The following CEP55 variants were observed in gnomAD, a reference collection of about 807,000 sequenced individuals.
The protein encoded by CEP55 is centrosomal protein of 55 kDa.
CEP55 carries 57 observed loss-of-function variants against 63.2 expected under a neutral mutation model. The observed-to-expected ratio is 0.90, with a 90% confidence interval of 0.73 to 1.13. The LOEUF is 1.13. Ranked by LOEUF, CEP55 falls within the 50% of genes most tolerant of loss-of-function variation. The probability of loss-of-function intolerance (pLI) is 0.00; values close to 1 mark genes in which losing one functional copy is unlikely to be tolerated. For synonymous variants in CEP55, 178 were observed against 191.6 expected (o/e 0.93, Z 0.59); for missense variants, 456 against 518.9 (o/e 0.88, Z 1.18).
rs1437225554 is a variant in CEP55, at chr10:93,500,143, A to G, written c.92A>G (p.Lys31Arg). 6.8e-6 allele frequency: 11 copies of G among 1,613,886 alleles called. No individual in the cohort carries two copies. The highest frequency in any genetic ancestry group is 9.3e-6 in the Non-Finnish European group (11 of 1,179,816). ...TCCGAAACTACATTAGAAAAATTAA[A>G]GGGAGAAATTGCACACTTAAAGACA... ...SKSETTLEKL[K>R]GEIAHLKTSV... The change falls in exon 2 of 9, where the codon AAG (lysine) becomes AGG (arginine). Residue 31 changes from lysine (K) to arginine (R), a missense_variant. By Grantham distance (26) the Lys-to-Arg change is conservative. Transcript: ENST00000371485.
chr10:93,526,850 G>T (rs1234158294), intron 8 of CEP55, among the ~76,000 whole-genome samples: 4 of 152,018 alleles, frequency 2.6e-5, no homozygotes, highest in African/African-American at 9.7e-5. Context: ...ATCAAACACC[G>T]CATGTTCTCA....
intron 1 of CEP55, among the ~76,000 whole-genome samples, chr10:93,497,899 A>C (rs1172749679): frequency 6.6e-6 from 1 of 151,918 alleles, no homozygotes; most frequent in African/African-American, 2.4e-5. Context: ...CGGGCAGATC[A>C]CTTGAGGTCA....
intron 6 of CEP55, 86 bp from the exon 7 acceptor site, chr10:93,518,791 G>A (rs2057828206): frequency 1.2e-6 from 1 of 858,544 alleles, no homozygotes; most frequent in African/African-American, 1.7e-5. Context: ...AGAGATGTGA[G>A]ACTTGTGATG....
At chr10:93,517,392 A>G (rs2057816087) in intron 6 of CEP55, 144 bp downstream of exon 6, 2 of 581,310 alleles carry the variant, frequency 3.4e-6, no homozygotes, top group East Asian at 3.0e-5. Flanking sequence ...GAAACAGACC[A>G]TAAACAATAA....
At chr10:93,513,994 G>A (rs1484705079) in intron 4 of CEP55, among the ~76,000 whole-genome samples, 1 of 150,534 alleles carries the variant, frequency 6.6e-6, no homozygotes, top group Non-Finnish European at 1.5e-5. Context: ...GTCTAGGTTG[G>A]AGTGCAGTGG....
chr10:93,499,179 C>A (rs1174624884), intron 1 of CEP55, among the ~76,000 whole-genome samples: 1 of 152,072 alleles, frequency 6.6e-6, no homozygotes, highest in East Asian at 1.9e-4. Context: ...AATGTTATAC[C>A]TCTTTTCCAG....
At chr10:93,498,094 C>T (rs1957951394) in intron 1 of CEP55, among the ~76,000 whole-genome samples, 1 of 151,816 alleles carries the variant, frequency 6.6e-6, no homozygotes, top group Non-Finnish European at 1.5e-5. Flanking sequence ...TGCACTCCAG[C>T]CTGGGCGACA....
At chr10:93,523,845 T>G (rs1031623138) in intron 8 of CEP55, among the ~76,000 whole-genome samples, 21 of 152,170 alleles carry the variant, frequency 1.4e-4, no homozygotes, top group African/African-American at 4.6e-4. Flanking sequence ...GACTACTGGG[T>G]ACATAACAAA....
At chr10:93,499,518 CTT>C (rs528933732) in intron 1 of CEP55, among the ~76,000 whole-genome samples, 23,395 of 119,356 alleles carry the variant, frequency 0.2, 1,275 homozygotes, top group South Asian at 0.24. Context: ...TACAAGTTGA[CTT>C]TTTTTTTTTT....
intron 8 of CEP55, among the ~76,000 whole-genome samples, chr10:93,525,952 A>T (rs2057917293): frequency 1.3e-5 from 2 of 152,238 alleles, no homozygotes; most frequent in South Asian, 4.1e-4. Context: ...TGGATTAAAG[A>T]TTTACATGTT....
chr10:93,518,906 G>A lies in CEP55; in HGVS notation c.1023G>A (p.Lys341=). 1 of 1,612,550 alleles carries A rather than the reference G, an allele frequency of 6.2e-7. No homozygotes were observed. The highest frequency in any genetic ancestry group is 8.5e-7 in the Non-Finnish European group (1 of 1,178,678). ...QVQFLYTSLL[K]QQEEQTRVAL... ...AGTTTCTTTACACATCTCTGCTAAA[G>A]CAGCAAGAAGAACAAACAAGGGTAG... Residue 341 remains lysine, a synonymous_variant, in exon 7 of 9, where the codon AAG becomes AAA. Coordinates refer to ENST00000371485, the MANE Select transcript of CEP55 (RefSeq NM_018131.5).
chr10:93,511,003 G>A (rs150167654), intron 4 of CEP55, among the ~76,000 whole-genome samples: 115 of 149,738 alleles, frequency 7.7e-4, no homozygotes, highest in African/African-American at 2.6e-3. Flanking sequence ...CAGTGGCACG[G>A]TCTCAGCTCA....
intron 8 of CEP55, among the ~76,000 whole-genome samples, chr10:93,525,298 A>G (rs2057910213): frequency 6.6e-6 from 1 of 152,206 alleles, no homozygotes; most frequent in South Asian, 2.1e-4. Flanking sequence ...CACCAATAAC[A>G]GACAGAGAGC....
chr10:93,528,157 A>C lies in CEP55; in HGVS notation c.*4A>C. 1 of 1,609,742 alleles carries C rather than the reference A, an allele frequency of 6.2e-7. No homozygotes were observed. Among genetic ancestry groups the C allele is most frequent in the Non-Finnish European group, 8.5e-7 (1 of 1,176,534 alleles). On this transcript the variant is annotated 3_prime_UTR_variant, in exon 9 of 9. Coordinates refer to ENST00000371485, the MANE Select transcript of CEP55 (RefSeq NM_018131.5). Reference sequence around the variant, plus strand: ...TGTGGAATACTGTTCAAAGTAGCAAAATAAGTATTTGTTTTGATATTAAAA... The same window carrying C: ...TGTGGAATACTGTTCAAAGTAGCAACATAAGTATTTGTTTTGATATTAAAA...
chr10:93,528,673 C>T lies in CEP55; in HGVS notation c.*520C>T, dbSNP rs1013667592. The T allele has an allele frequency of 6.5e-6, 1 of 153,228 alleles. No individual in the cohort carries two copies. Among genetic ancestry groups the T allele is most frequent in the South Asian group, 2.0e-4 (1 of 4,908 alleles). 9.5% of individuals were successfully genotyped at this position (153,228 alleles called of 1,614,324 possible). On this transcript the variant is annotated 3_prime_UTR_variant, in exon 9 of 9. Coordinates refer to ENST00000371485, the MANE Select transcript of CEP55 (RefSeq NM_018131.5). ...GGTTATTAGAAAAGTTGGGGATTTT[C>T]TTGATCTTTATTGCTGCTTACCATT... is the stretch of plus-strand genomic sequence containing the variant.
intron 2 of CEP55, among the ~76,000 whole-genome samples, chr10:93,501,848 T>A (rs1373576537): frequency 6.6e-6 from 1 of 152,188 alleles, no homozygotes; most frequent in Non-Finnish European, 1.5e-5. Flanking sequence ...ATATGAAGGT[T>A]ATTTTGCAAT....
At chr10:93,506,284 A>C (rs1355277568) in intron 3 of CEP55, among the ~76,000 whole-genome samples, 1 of 152,122 alleles carries the variant, frequency 6.6e-6, no homozygotes, top group Non-Finnish European at 1.5e-5. Flanking sequence ...TCTAGAAAAA[A>C]AATTTTACCT....
At chr10:93,508,261 A>T (rs1391890227) in intron 4 of CEP55, among the ~76,000 whole-genome samples, 2 of 152,210 alleles carry the variant, frequency 1.3e-5, no homozygotes, top group African/African-American at 4.8e-5. Context: ...GATATGAAGT[A>T]TAAAGTTTCT....
chr10:93,513,448 T>C (rs932918961), intron 4 of CEP55, among the ~76,000 whole-genome samples: 1 of 152,204 alleles, frequency 6.6e-6, no homozygotes, highest in African/African-American at 2.4e-5. Context: ...CTTTAAAGGA[T>C]GGAAATTCTT....
Sources: gnomAD v4.1 joint callset for allele counts (sites outside exome capture counted in the v4.1 genomes callset) on GRCh38, gnomAD v4.1.1 for gene constraint, MANE v1.5 for transcripts, NCBI Gene and HGNC (gene_info 2026-07-23, HGNC 2026-07-21) for gene names.